The following ARSG variants were observed in gnomAD, a reference collection of about 807,000 sequenced individuals.
The protein encoded by ARSG is ASG.
A neutral mutation model predicts 50.5 loss-of-function variants in ARSG; 37 were observed. That is an observed-to-expected ratio of 0.73 (90% CI 0.56 to 0.96). The LOEUF (loss-of-function observed/expected upper bound fraction) is 0.96, where lower values mean the gene tolerates loss of function less well. Ranked by LOEUF, ARSG falls within the 50% of genes least tolerant of loss-of-function variation. The pLI is 0.00. For missense variants in ARSG, 629 were observed against 675.3 expected (o/e 0.93, Z 0.76); for synonymous variants, 225 against 254.6 (o/e 0.88, Z 1.11).
intron 2 of ARSG, among the ~76,000 whole-genome samples, chr17:68,328,681 A>G (rs1452737707): frequency 6.6e-6 from 1 of 152,190 alleles, no homozygotes; most frequent in Non-Finnish European, 1.5e-5. Flanking sequence ...GGCAGGTGAT[A>G]CGCATGTGTC....
intron 10 of ARSG, among the ~76,000 whole-genome samples, chr17:68,396,157 C>T (rs779654066): frequency 9.9e-5 from 15 of 152,124 alleles, no homozygotes; most frequent in Admixed American, 3.3e-4. Flanking sequence ...TACACCCTCC[C>T]GAGCCCATGC....
At chr17:68,413,193 C>T (rs1600155832) in intron 11 of ARSG, among the ~76,000 whole-genome samples, 3 of 152,096 alleles carry the variant, frequency 2.0e-5, no homozygotes, top group South Asian at 2.1e-4. Context: ...GGAGGAGAGG[C>T]GCTCTGCTTT....
At chr17:68,284,861 G>A (rs782446036) in intron 1 of ARSG, among the ~76,000 whole-genome samples, 1 of 152,208 alleles carries the variant, frequency 6.6e-6, no homozygotes, top group Non-Finnish European at 1.5e-5. Context: ...GCATTTTGAT[G>A]TGTGTTGATA....
intron 2 of ARSG, among the ~76,000 whole-genome samples, chr17:68,309,001 C>T (rs1004664478): frequency 1.2e-4 from 19 of 152,228 alleles, no homozygotes; most frequent in Admixed American, 2.0e-4. Flanking sequence ...CAGGAGCCCA[C>T]GGAGGGGGTG....
At chr17:68,390,750 G>C (rs201782401) in intron 9 of ARSG, among the ~76,000 whole-genome samples, 1 of 151,864 alleles carries the variant, frequency 6.6e-6, no homozygotes, top group African/African-American at 2.4e-5. Context: ...CAGCCTCCCG[G>C]GTAGCTGGGA....
chr17:68,328,993 A>T (rs779968171), intron 2 of ARSG, among the ~76,000 whole-genome samples: 9 of 152,244 alleles, frequency 5.9e-5, no homozygotes, highest in Non-Finnish European at 1.0e-4. Context: ...AATCTGGATA[A>T]GGGAGCCAGC....
At chr17:68,327,839 A>G (rs990683021) in intron 2 of ARSG, among the ~76,000 whole-genome samples, 1 of 152,126 alleles carries the variant, frequency 6.6e-6, no homozygotes. Flanking sequence ...AAATGGCATG[A>G]CCAATCAGCG....
chr17:68,353,401 G>A (rs565598685), intron 5 of ARSG, among the ~76,000 whole-genome samples: 1 of 152,180 alleles, frequency 6.6e-6, no homozygotes, highest in East Asian at 2.0e-4. Flanking sequence ...TGGTAGAAGT[G>A]CACAGATTCA....
At chr17:68,259,721 C>T (rs1224343570) in intron 1 of ARSG, among the ~76,000 whole-genome samples, 3 of 152,130 alleles carry the variant, frequency 2.0e-5, no homozygotes, top group Non-Finnish European at 4.4e-5. Flanking sequence ...TTCAAATTCC[C>T]GTGTGTTTGT....
intron 1 of ARSG, chr17:68,267,435 A>AT (rs2075192268): frequency 6.6e-6 from 1 of 152,084 alleles, no homozygotes; most frequent in African/African-American, 2.4e-5. Flanking sequence ...AGATTGTCCT[A>AT]TTTCTATGGC....
chr17:68,424,597 C>T (rs374395886), downstream of ARSG: 104 of 478,546 alleles, frequency 2.2e-4, no homozygotes, highest in Non-Finnish European at 3.8e-4. Context: ...TACTTCCGGC[C>T]GGGTGCGGCG....
At chr17:68,434,615 G>A in the ARSG span, 1 of 1,614,032 alleles carries the variant, frequency 6.2e-7, no homozygotes, top group East Asian at 2.2e-5. Context: ...AGAACACCCG[G>A]ATGACTGTGC....
intron 11 of ARSG, among the ~76,000 whole-genome samples, chr17:68,417,804 G>A (rs907266923): frequency 7.8e-6 from 1 of 128,424 alleles, no homozygotes; most frequent in Non-Finnish European, 1.6e-5. Context: ...CTGGAGTGCA[G>A]TGGCACGATC....
intron 2 of ARSG, among the ~76,000 whole-genome samples, 181 bp downstream of exon 2, chr17:68,307,892 C>G (rs1268392245): frequency 2.0e-5 from 3 of 152,138 alleles, no homozygotes; most frequent in African/African-American, 7.2e-5. Context: ...CCATCTAGCA[C>G]CCATCCATCT....
chr17:68,278,380 G>T lies in ARSG; in HGVS notation c.-552+18954G>T, dbSNP rs1555751744. ...GATCAGCAATAGCATGAGGATCGAT[G>T]ATTCTCATACTCTTAAGCAAACAAC... is the stretch of plus-strand genomic sequence containing the variant. On this transcript the variant is annotated intron_variant, in intron 1 of 11. Coordinates refer to the ARSG transcript ENST00000448504. 1.7e-5 allele frequency: 20 copies of T among 1,166,916 alleles called. 1 individual carries two copies. Among genetic ancestry groups the T allele is most frequent in the Non-Finnish European group, 2.5e-5 (20 of 788,344 alleles). 72.3% of individuals were successfully genotyped at this position (1,166,916 alleles called of 1,614,324 possible).
chr17:68,317,019 T>A (rs1239932961), intron 2 of ARSG, among the ~76,000 whole-genome samples: 2 of 152,154 alleles, frequency 1.3e-5, no homozygotes, highest in Non-Finnish European at 2.9e-5. Flanking sequence ...TTTTAGTTTG[T>A]GGCCAGCGCA....
At chr17:68,292,836 T>C (rs1159417556) in intron 1 of ARSG, among the ~76,000 whole-genome samples, 4 of 152,168 alleles carry the variant, frequency 2.6e-5, no homozygotes, top group Non-Finnish European at 5.9e-5. Flanking sequence ...GCCAGTAGTG[T>C]ACAGCCAAGG....
chr17:68,444,409 C>T, the ARSG span: 15 of 1,298,972 alleles, frequency 1.2e-5, no homozygotes, highest in East Asian at 9.3e-5. Flanking sequence ...GCTTCACGTT[C>T]GCAATTTGGA....
chr17:68,279,909 C>T (rs561530195), intron 1 of ARSG, among the ~76,000 whole-genome samples: 16 of 152,132 alleles, frequency 1.1e-4, no homozygotes, highest in South Asian at 8.3e-4. Context: ...TGGCTGGGCG[C>T]GGTGGCTCAC....
Sources: allele counts gnomAD v4.1 joint callset (sites outside exome capture counted in the v4.1 genomes callset), GRCh38; gene constraint gnomAD v4.1.1; transcripts MANE v1.5; gene names NCBI Gene and HGNC (gene_info 2026-07-23, HGNC 2026-07-21).